Variants in DROSHA observed in about 807,000 individuals in gnomAD.
The protein encoded by DROSHA is ribonuclease 3.
DROSHA carries 56 observed loss-of-function variants against 181.9 expected under a neutral mutation model. The ratio of observed to expected loss-of-function variants is 0.31; its 90% CI spans 0.25 to 0.38. The LOEUF is 0.38. DROSHA is among the 10% of genes least tolerant of loss of function. The pLI, the probability that DROSHA is intolerant of heterozygous loss-of-function variation, is 1.00. For missense variants in DROSHA, 1,218 were observed against 1,743.5 expected, an observed-to-expected ratio of 0.70 and a Z score of 5.37; for synonymous variants, 524 against 591.2, an observed-to-expected ratio of 0.89 and a Z score of 1.65.
At chr5:31,459,259 G>A (rs999327048) in intron 20 of DROSHA, among the ~76,000 whole-genome samples, 1 of 151,892 alleles carries the variant, frequency 6.6e-6, no homozygotes, top group African/African-American at 2.4e-5. Flanking sequence ...GCCAGATGAG[G>A]TGACATGCAC....
At chr5:31,434,456 T>C (rs1040718170) in intron 25 of DROSHA, among the ~76,000 whole-genome samples, 2 of 152,230 alleles carry the variant, frequency 1.3e-5, no homozygotes, top group Non-Finnish European at 2.9e-5. Context: ...TAAAACCAAG[T>C]TGGCTTACCT....
intron 23 of DROSHA, among the ~76,000 whole-genome samples, chr5:31,438,197 C>G (rs558790958): frequency 2.0e-5 from 3 of 152,198 alleles, no homozygotes; most frequent in Non-Finnish European, 4.4e-5. Context: ...TCTCTCAGTA[C>G]TAATGTGCTT....
chr5:31,511,693 T>C (rs1451824679), intron 8 of DROSHA, among the ~76,000 whole-genome samples: 1 of 127,800 alleles, frequency 7.8e-6, no homozygotes, highest in African/African-American at 2.7e-5. Flanking sequence ...TAGAGAGACC[T>C]CATCTAAAAA....
Position 31,435,752 on chromosome 5 carries a change from A to T in DROSHA, c.3042+13T>A. ...TCAGACGTAACTACAAATGCTGCAG[A>T]TGTCTTCTATACCTTTGCTAGCATG... On this transcript the variant is annotated intron_variant, in intron 25 of 35. Transcript: ENST00000344624. The T allele has an allele frequency of 1.2e-6, 2 of 1,610,528 alleles. No homozygotes were observed. Among genetic ancestry groups the T allele is most frequent in the South Asian group, 2.2e-5 (2 of 89,984 alleles).
intron 16 of DROSHA, 132 bp downstream of exon 16, chr5:31,483,422 T>C (rs1751271743): frequency 1.2e-6 from 1 of 828,010 alleles, no homozygotes; most frequent in Non-Finnish European, 2.0e-6. Flanking sequence ...TACATTTCCG[T>C]GCCTAACCTG....
In DROSHA at chr5:31,470,845, C is replaced by CTGGA. The variant is rs1187355786; in HGVS notation, c.2241+1214_2241+1217dup. Among the ~76,000 whole-genome samples the CTGGA allele has an allele frequency of 6.6e-6, 1 of 152,138 alleles. No homozygotes were observed. The highest frequency in any genetic ancestry group is 1.9e-4 in the East Asian group (1 of 5,190). ...TCCAAGTGGAACCACCCAGCTGAAA[C>CTGGA]TGGACATCTGCCACCACCACCGCCC... On this transcript the variant is annotated intron_variant, in intron 17 of 35. Coordinates refer to ENST00000344624, the MANE Select transcript of DROSHA (RefSeq NM_001382508.1). This position sits in a 1 kb window ranked among gnomAD's most constrained non-coding sequence, Gnocchi z 4.0.
chr5:31,431,754 AG>A (rs1744206023), intron 25 of DROSHA, 76 bp from the exon 26 acceptor site: 1 of 1,408,662 alleles, frequency 7.1e-7, no homozygotes, highest in Non-Finnish European at 1.0e-6. Flanking sequence ...CATCTCTTGC[AG>A]AGAGTTGGTG....
At chr5:31,512,309 G>A (rs990105359) in intron 8 of DROSHA, among the ~76,000 whole-genome samples, 1 of 152,196 alleles carries the variant, frequency 6.6e-6, no homozygotes, top group Non-Finnish European at 1.5e-5. Flanking sequence ...GCAAATGTCA[G>A]CCTTTTGAGT....
At chr5:31,447,891 G>A (rs1746502078) in intron 23 of DROSHA, among the ~76,000 whole-genome samples, 4 of 152,146 alleles carry the variant, frequency 2.6e-5, no homozygotes, top group Admixed American at 2.6e-4. Context: ...TTGGATCCCT[G>A]CTATATTGCT....
chr5:31,508,227 G>C (rs1044074448), intron 10 of DROSHA, among the ~76,000 whole-genome samples: 1 of 152,102 alleles, frequency 6.6e-6, no homozygotes, highest in African/African-American at 2.4e-5. Context: ...ACTTGTGACT[G>C]TTACCAACTA....
chr5:31,424,441 G>C lies in DROSHA; in HGVS notation c.3247C>G (p.Leu1083Val). ...DLREVWLNYP[L>V]HPLQLQEPNT... ...GTCATACTTACTTGGAGTGGGTGGA[G>C]AGGATAATTGAGCCAGACTTCGCGC... Residue 1083 changes from leucine (L) to valine (V), a missense_variant, in exon 28 of 36, where the codon CTC becomes GTC. Leu to Val is a conservative substitution (Grantham distance 32). Coordinates refer to ENST00000344624, the MANE Select transcript of DROSHA (RefSeq NM_001382508.1). The C allele has an allele frequency of 6.3e-7, 1 of 1,598,218 alleles. No homozygotes were observed.
chr5:31,446,489 A>G (rs1192937343), intron 23 of DROSHA, among the ~76,000 whole-genome samples: 1 of 151,348 alleles, frequency 6.6e-6, no homozygotes, highest in African/African-American at 2.4e-5. Flanking sequence ...AACAGCACAA[A>G]AAAGAATAAC....
chr5:31,441,275 G>A (rs953072941), intron 23 of DROSHA, among the ~76,000 whole-genome samples: 11 of 152,068 alleles, frequency 7.2e-5, no homozygotes, highest in African/African-American at 2.7e-4. Flanking sequence ...GCTGGGTGTG[G>A]TGGCACGTGC....
At chr5:31,455,663 C>CG (rs1467432236) in intron 20 of DROSHA, among the ~76,000 whole-genome samples, 1 of 143,262 alleles carries the variant, frequency 7.0e-6, no homozygotes, top group Non-Finnish European at 1.5e-5. Context: ...TTTTTTGAGA[C>CG]GGGGTCTCAC....
Position 31,408,855 on chromosome 5 carries a change from G to A in DROSHA, c.3854+201C>T. The A allele has an allele frequency of 9.8e-6, 5 of 512,158 alleles. 1 individual carries two copies. Among genetic ancestry groups the A allele is most frequent in the South Asian group, 3.0e-5 (1 of 33,126 alleles). The allele number at this position is 512,158 out of a possible 1,614,324, so 31.7% of individuals were successfully genotyped here. On this transcript the variant is annotated intron_variant, in intron 33 of 35. Transcript: ENST00000344624. ...TGGGAGAGAACATTGAGATAATGGA[G>A]TGGGACCCACTTATTACAGCTAAGA...
In DROSHA at chr5:31,515,148, C is replaced by G; in HGVS notation, c.1130G>C (p.Ser377Thr). 6.2e-7 allele frequency: 1 copy of G among 1,613,954 alleles called. No homozygotes were observed. The highest frequency in any genetic ancestry group is 8.5e-7 in the Non-Finnish European group (1 of 1,179,882). ...EEKDRWSDNQ[S>T]SGKDKNYTSI... ...GGTATAGTTCTTGTCTTTGCCAGAA[C>G]TCTGGTTGTCACTCCAACGGTCTTT... is the stretch of plus-strand genomic sequence containing the variant. Residue 377 changes from serine (S) to threonine (T), a missense_variant, in exon 8 of 36, where the codon AGT (serine) becomes ACT (threonine). Coordinates refer to ENST00000344624, the MANE Select transcript of DROSHA (RefSeq NM_001382508.1).
chr5:31,410,821 C>T lies in DROSHA; in HGVS notation c.3592G>A (p.Glu1198Lys), dbSNP rs1223477329. Residue 1198 changes from glutamate (E) to lysine (K), a missense_variant, in exon 31 of 36, where the codon GAG becomes AAG. Physicochemically the swap from Glu to Lys is moderately conservative, Grantham distance 56 (BLOSUM62 1). Transcript: ENST00000344624. ...GTCTTGTCGTTGGTTATGGCGTACT[C>T]CTGCATGCCCAGCTCCTCCGCTACC... ...AKVAEELGMQEYAITNDKTKR... is the reference protein window; with the variant it reads ...AKVAEELGMQKYAITNDKTKR... The T allele has an allele frequency of 6.2e-7, 1 of 1,614,004 alleles. No individual in the cohort carries two copies. The highest frequency in any genetic ancestry group is 8.5e-7 in the Non-Finnish European group (1 of 1,179,846).
At chr5:31,413,658 A>C (rs634394) in intron 30 of DROSHA, among the ~76,000 whole-genome samples, 193 of 152,130 alleles carry the variant, frequency 1.3e-3, no homozygotes, top group Non-Finnish European at 2.0e-3. Flanking sequence ...CACCCTCCTC[A>C]GAAGCCACGT....
chr5:31,500,745 C>A (rs1157822708), intron 11 of DROSHA, among the ~76,000 whole-genome samples: 1 of 152,126 alleles, frequency 6.6e-6, no homozygotes, highest in Admixed American at 6.6e-5. Context: ...ATAGGGATGA[C>A]AGAATCCTGA....
Sources: gnomAD v4.1 joint callset for allele counts (sites outside exome capture counted in the v4.1 genomes callset) on GRCh38, gnomAD v4.1.1 for gene constraint, Gnocchi (gnomAD v3.1) non-coding constraint, MANE v1.5 for transcripts, NCBI Gene and HGNC (gene_info 2026-07-23, HGNC 2026-07-21) for gene names.